KLF12: variants seen among roughly 807,000 people sequenced by gnomAD.
KLF12 encodes KLF transcription factor 12.
Under a neutral mutation model 37.8 loss-of-function variants are expected in KLF12, and 9 were observed. The ratio of observed to expected loss-of-function variants is 0.24; its 90% CI spans 0.14 to 0.42. The LOEUF is 0.42. Among genes scored for constraint, KLF12 ranks in the 10% least tolerant of loss-of-function variants. The pLI is 1.00. For synonymous variants in KLF12, 208 were observed against 202.1 expected, an observed-to-expected ratio of 1.03 and a Z score of -0.25; for missense variants, 411 against 516.0, an observed-to-expected ratio of 0.80 and a Z score of 1.97.
chr13:74,287,137 C>T, the KLF12 span, among the ~76,000 whole-genome samples: 98 of 152,280 alleles, frequency 6.4e-4, no homozygotes, highest in African/African-American at 1.9e-3. Context: ...TGCAGGCTTT[C>T]CATCAGCCTA....
At chr13:73,972,777 G>C (rs547732418) in intron 2 of KLF12, among the ~76,000 whole-genome samples, 1 of 150,762 alleles carries the variant, frequency 6.6e-6, no homozygotes, top group Admixed American at 6.6e-5. Context: ...ATCACCAGAA[G>C]CACACTCAAG....
intron 5 of KLF12, among the ~76,000 whole-genome samples, chr13:73,798,077 A>G (rs796739546): frequency 5.3e-5 from 8 of 152,224 alleles, no homozygotes; most frequent in African/African-American, 1.9e-4. Context: ...AGCCAACCAG[A>G]AAGCGTGGGT....
the KLF12 span, among the ~76,000 whole-genome samples, chr13:74,263,951 A>G: frequency 6.6e-6 from 1 of 152,088 alleles, no homozygotes; most frequent in Admixed American, 6.6e-5. Flanking sequence ...GGCAGCCACA[A>G]TCTTGACTAA....
chr13:74,192,642 G>T, the KLF12 span, among the ~76,000 whole-genome samples: 1 of 152,106 alleles, frequency 6.6e-6, no homozygotes, highest in Admixed American at 6.5e-5. Flanking sequence ...CACATATTTT[G>T]TAAAATGAGT....
intron 5 of KLF12, among the ~76,000 whole-genome samples, chr13:73,811,111 G>A (rs1279154241): frequency 1.4e-5 from 2 of 145,536 alleles, no homozygotes; most frequent in African/African-American, 2.5e-5. Context: ...TCAGCCTCCC[G>A]AGTAACTGGG....
In KLF12 at chr13:73,755,202, T is replaced by C. The variant is rs546762943; in HGVS notation, c.869+9736A>G. On this transcript the variant is annotated intron_variant, in intron 6 of 7. Coordinates refer to ENST00000377669, the MANE Select transcript of KLF12 (RefSeq NM_007249.5). ...AGAAAAGCAGCGTTTCTTTTTCTTTTCAGACCTCTGAGGAAAAAAGGCAAT... is the reference window on the plus strand; with the variant it reads ...AGAAAAGCAGCGTTTCTTTTTCTTTCCAGACCTCTGAGGAAAAAAGGCAAT... Among the ~76,000 whole-genome samples the C allele has an allele frequency of 8.1e-4, 124 of 152,324 alleles. 1 individual carries two copies. The highest frequency in any genetic ancestry group is 2.2e-3 in the African/African-American group (92 of 41,578).
chr13:74,042,291 G>A (rs1308751789), intron 1 of KLF12, among the ~76,000 whole-genome samples: 3 of 141,974 alleles, frequency 2.1e-5, no homozygotes, highest in South Asian at 2.3e-4. Context: ...GTGACAAAGC[G>A]AGACTCCATC....
chr13:73,749,332 T>A (rs957906570), intron 6 of KLF12, among the ~76,000 whole-genome samples: 2 of 152,200 alleles, frequency 1.3e-5, no homozygotes, highest in African/African-American at 4.8e-5. Context: ...TGCATTTAAA[T>A]CTCATTCTAA....
chr13:73,728,511 T>A (rs1876830977), intron 6 of KLF12, among the ~76,000 whole-genome samples: 1 of 152,230 alleles, frequency 6.6e-6, no homozygotes, highest in African/African-American at 2.4e-5. Flanking sequence ...TTGCTACTGA[T>A]CTTAGGGTTA....
chr13:74,036,830 A>G (rs1272867159), intron 1 of KLF12, among the ~76,000 whole-genome samples: 1 of 152,228 alleles, frequency 6.6e-6, no homozygotes, highest in African/African-American at 2.4e-5. Flanking sequence ...CCAACAAGAC[A>G]GCTCTCATTT....
chr13:74,126,557 T>G (rs1169113190), intron 1 of KLF12, among the ~76,000 whole-genome samples: 1 of 152,220 alleles, frequency 6.6e-6, no homozygotes, highest in East Asian at 1.9e-4. Context: ...GTCTCAATTT[T>G]ATATCAAGAT....
At chr13:74,062,093 G>T (rs1272656621) in intron 1 of KLF12, among the ~76,000 whole-genome samples, 1 of 152,080 alleles carries the variant, frequency 6.6e-6, no homozygotes, top group Non-Finnish European at 1.5e-5. Context: ...CCTGTCTCTG[G>T]CTTCTCATTG....
chr13:73,909,639 G>A (rs1239425743), intron 3 of KLF12, among the ~76,000 whole-genome samples: 1 of 152,110 alleles, frequency 6.6e-6, no homozygotes, highest in Non-Finnish European at 1.5e-5. Context: ...ACAAAGTCAA[G>A]GGAATTTTAA....
chr13:74,198,094 T>C, the KLF12 span, among the ~76,000 whole-genome samples: 2 of 152,102 alleles, frequency 1.3e-5, no homozygotes, highest in African/African-American at 4.8e-5. Context: ...TCTCTCTTGT[T>C]CAAATATCAA....
chr13:73,816,682 G>T (rs547900807), intron 4 of KLF12, among the ~76,000 whole-genome samples: 1 of 152,190 alleles, frequency 6.6e-6, no homozygotes, highest in East Asian at 1.9e-4. Flanking sequence ...ATGACTCTGG[G>T]CTTGGCTCTA....
At chr13:74,289,477 TA>T in the KLF12 span, among the ~76,000 whole-genome samples, 1 of 152,194 alleles carries the variant, frequency 6.6e-6, no homozygotes, top group Non-Finnish European at 1.5e-5. Context: ...ACTTGTTTCT[TA>T]CCTGAAATAC....
intron 1 of KLF12, among the ~76,000 whole-genome samples, chr13:74,002,988 C>A (rs1270646911): frequency 6.6e-6 from 1 of 152,144 alleles, no homozygotes; most frequent in Non-Finnish European, 1.5e-5. Flanking sequence ...GAATGTTTTA[C>A]CATATGGTTA....
the KLF12 span, chr13:74,257,362 T>A: frequency 2.0e-5 from 3 of 152,254 alleles, no homozygotes; most frequent in East Asian, 5.8e-4. Flanking sequence ...CTGAGTTAAC[T>A]CCCGAGAGTC....
chr13:74,046,494 C>A (rs551904754), intron 1 of KLF12, among the ~76,000 whole-genome samples: 2 of 151,700 alleles, frequency 1.3e-5, no homozygotes, highest in South Asian at 4.2e-4. Flanking sequence ...GAAAGCATTC[C>A]ATTTCACTTC....
Sources: allele counts gnomAD v4.1 joint callset (sites outside exome capture counted in the v4.1 genomes callset), GRCh38; gene constraint gnomAD v4.1.1; transcripts MANE v1.5; gene names NCBI Gene and HGNC (gene_info 2026-07-23, HGNC 2026-07-21).